AFG2A: variants seen among roughly 807,000 people sequenced by gnomAD.
AFG2A encodes ATPase family gene 2 protein homolog A.
the AFG2A span, among the ~76,000 whole-genome samples, chr4:123,161,450 T>C: frequency 6.6e-6 from 1 of 152,064 alleles, no homozygotes. Flanking sequence ...GAAAGGATGC[T>C]ATTTCAGGAG....
chr4:123,170,569 T>C, the AFG2A span, among the ~76,000 whole-genome samples: 1 of 152,168 alleles, frequency 6.6e-6, no homozygotes, highest in Non-Finnish European at 1.5e-5. Context: ...GAGTTTCTTT[T>C]GGTAACACTA....
chr4:123,168,583 G>A, the AFG2A span, among the ~76,000 whole-genome samples: 2 of 152,168 alleles, frequency 1.3e-5, no homozygotes, highest in Non-Finnish European at 2.9e-5. Flanking sequence ...AAAAGGAAAT[G>A]ATGATAAAAA....
the AFG2A span, among the ~76,000 whole-genome samples, chr4:123,099,746 CAACT>C: frequency 1.3e-5 from 2 of 151,390 alleles, no homozygotes; most frequent in Non-Finnish European, 3.0e-5. Context: ...TTATTTTTTC[CAACT>C]GACTCCCGAA....
the AFG2A span, among the ~76,000 whole-genome samples, chr4:123,221,596 CTTTT>C: frequency 2.9e-4 from 44 of 152,184 alleles, no homozygotes; most frequent in African/African-American, 9.6e-4. Context: ...ATTTGTTTTA[CTTTT>C]TTAAAAACCT....
chr4:123,166,932 A>G, the AFG2A span, among the ~76,000 whole-genome samples: 1 of 152,076 alleles, frequency 6.6e-6, no homozygotes, highest in Non-Finnish European at 1.5e-5. Flanking sequence ...TATTAGTAAA[A>G]GCACACACTC....
At chr4:122,969,132 T>C in the AFG2A span, among the ~76,000 whole-genome samples, 1 of 151,508 alleles carries the variant, frequency 6.6e-6, no homozygotes, top group Non-Finnish European at 1.5e-5. Context: ...TATTATAATA[T>C]ATATTGATAT....
chr4:123,058,162 A>G, the AFG2A span, among the ~76,000 whole-genome samples: 1 of 152,224 alleles, frequency 6.6e-6, no homozygotes, highest in Non-Finnish European at 1.5e-5. Flanking sequence ...TGCTGCTGAT[A>G]AAGACATACT....
At chr4:123,266,369 G>T in the AFG2A span, among the ~76,000 whole-genome samples, 12 of 151,792 alleles carry the variant, frequency 7.9e-5, no homozygotes, top group African/African-American at 2.9e-4. Context: ...TTTATATAAG[G>T]TGCTTATCCT....
At chr4:122,939,862 A>G in the AFG2A span, among the ~76,000 whole-genome samples, 2 of 152,028 alleles carry the variant, frequency 1.3e-5, no homozygotes, top group South Asian at 2.1e-4. Flanking sequence ...ATTCCCATCT[A>G]TGAGTGAGAA....
the AFG2A span, chr4:122,979,258 A>T: frequency 1.9e-6 from 3 of 1,614,112 alleles, no homozygotes; most frequent in Middle Eastern, 4.9e-4. Flanking sequence ...GAGAATCCTG[A>T]AAAAACAGCC....
the AFG2A span, among the ~76,000 whole-genome samples, chr4:123,066,600 C>T: frequency 6.6e-6 from 1 of 151,956 alleles, no homozygotes; most frequent in Non-Finnish European, 1.5e-5. Context: ...GGTAAAAATT[C>T]TCATGTATCT....
chr4:123,310,813 A>G, the AFG2A span, among the ~76,000 whole-genome samples: 2 of 152,250 alleles, frequency 1.3e-5, no homozygotes, highest in Non-Finnish European at 2.9e-5. Context: ...TAGGAAAGTA[A>G]GAGTGGCAGA....
the AFG2A span, among the ~76,000 whole-genome samples, chr4:123,138,696 A>G: frequency 2.0e-5 from 3 of 152,204 alleles, no homozygotes; most frequent in South Asian, 6.2e-4. Flanking sequence ...ATTTGGAAAA[A>G]AAATAAATAT....
the AFG2A span, among the ~76,000 whole-genome samples, chr4:123,120,605 A>G: frequency 2.0e-5 from 3 of 152,190 alleles, no homozygotes; most frequent in South Asian, 2.1e-4. Context: ...TCAACATCAG[A>G]CTGCATGTAC....
the AFG2A span, among the ~76,000 whole-genome samples, chr4:123,082,986 T>C: frequency 6.6e-6 from 1 of 152,182 alleles, no homozygotes. Flanking sequence ...AAGAATGCAG[T>C]TACTTCATAG....
the AFG2A span, among the ~76,000 whole-genome samples, chr4:122,941,919 A>G: frequency 6.6e-6 from 1 of 151,172 alleles, no homozygotes; most frequent in Non-Finnish European, 1.5e-5. Context: ...GGTTCTGTTT[A>G]TATGCTGGAT....
chr4:123,101,563 C>CT, the AFG2A span, among the ~76,000 whole-genome samples: 1 of 151,886 alleles, frequency 6.6e-6, no homozygotes, highest in African/African-American at 2.4e-5. Flanking sequence ...ACTTAATTTT[C>CT]TGAATACTTT....
At chr4:122,926,281 T>G in the AFG2A span, among the ~76,000 whole-genome samples, 1 of 152,144 alleles carries the variant, frequency 6.6e-6, no homozygotes, top group Non-Finnish European at 1.5e-5. Context: ...GAGGGAAAGA[T>G]AGTTCATTGA....
the AFG2A span, among the ~76,000 whole-genome samples, chr4:122,932,196 G>A: frequency 6.6e-6 from 1 of 151,812 alleles, no homozygotes; most frequent in Non-Finnish European, 1.5e-5. Flanking sequence ...GATCACTTGA[G>A]CCTGTGAGGT....
Sources: allele counts gnomAD v4.1 joint callset (sites outside exome capture counted in the v4.1 genomes callset), GRCh38; gene constraint gnomAD v4.1.1; transcripts MANE v1.5; gene names NCBI Gene and HGNC (gene_info 2026-07-23, HGNC 2026-07-21).